SVOP: variants seen among roughly 807,000 people sequenced by gnomAD.
The protein encoded by SVOP is synaptic vesicle 2-related protein.
In SVOP, 17 loss-of-function variants were observed where a neutral mutation model predicts 69.1. That is an observed-to-expected ratio of 0.25 (90% confidence interval 0.17 to 0.37). The LOEUF (loss-of-function observed/expected upper bound fraction) is 0.37, where lower values mean the gene tolerates loss of function less well. SVOP is among the 10% of genes least tolerant of loss of function. SVOP has a pLI of 1.00. For missense variants in SVOP, 435 were observed against 597.5 expected (o/e 0.73, Z 2.84); for synonymous variants, 238 against 238.6 (o/e 1.00, Z 0.02).
intron 7 of SVOP, 105 bp downstream of exon 7, chr12:108,944,998 G>GTTTTTTTTTT: frequency 9.4e-7 from 1 of 1,067,892 alleles, no homozygotes. Flanking sequence ...AGTCTGTAAT[G>GTTTTTTTTTT]TTTTTTTCTT....
chr12:108,970,490 A>G (rs2040072764), intron 5 of SVOP, among the ~76,000 whole-genome samples: 1 of 152,200 alleles, frequency 6.6e-6, no homozygotes, highest in Admixed American at 6.5e-5. Flanking sequence ...TGCTAGTTGT[A>G]GTGGAGATTG....
chr12:108,919,709 A>G lies in SVOP; in HGVS notation c.1234T>C (p.Phe412Leu). The G allele has an allele frequency of 1.2e-6, 2 of 1,607,940 alleles. No individual in the cohort carries two copies. The highest frequency in any genetic ancestry group is 2.2e-5 in the South Asian group (2 of 89,794). Residue 412 changes from phenylalanine to leucine, a missense_variant, in exon 13 of 16, where the codon TTC becomes CTC. Transcript: ENST00000610966. ...TMALCFVIFS[F>L]CSLLLFICVG... is the part of the protein sequence containing the mutation. The stretch of plus-strand genomic sequence containing the variant: ...CAGATAAACAGCAGGAGGCTGCAGA[A>G]GGAGAAGATGACAAAGCACAGGGCC...
At chr12:108,942,649 C>T (rs1189404874) in intron 7 of SVOP, among the ~76,000 whole-genome samples, 1 of 152,288 alleles carries the variant, frequency 6.6e-6, no homozygotes, top group African/African-American at 2.4e-5. Flanking sequence ...TCCTGTCCAG[C>T]AGCCTTCATC....
intron 5 of SVOP, among the ~76,000 whole-genome samples, chr12:108,969,396 T>C (rs1362554324): frequency 4.8e-5 from 6 of 124,836 alleles, no homozygotes; most frequent in Admixed American, 3.4e-4. Flanking sequence ...TTTTTTTTTT[T>C]CTGAGACAAA....
rs543526244 is a variant in SVOP, at chr12:108,976,597, C to CCT, written c.381+799_381+800dup. Among the ~76,000 whole-genome samples, 1,344 of 146,424 alleles carry CCT rather than the reference C, an allele frequency of 9.2e-3. 13 individuals are homozygous for CCT. Among genetic ancestry groups the CCT allele is most frequent in the Non-Finnish European group, 0.014 (964 of 66,752 alleles). ...TATCCTCTTATCCAGCCTGGCCATT[C>CCT]CTCTCTCTCTCTCTCTCTTTTTTTT... On this transcript the variant is annotated intron_variant, in intron 4 of 15. Coordinates refer to ENST00000610966, the MANE Select transcript of SVOP (RefSeq NM_018711.5).
chr12:108,940,926 A>G lies in SVOP; in HGVS notation c.643-17T>C. 1 of 1,535,672 alleles carries G rather than the reference A, an allele frequency of 6.5e-7. No individual in the cohort carries two copies. ...CCAGAATACCTGGCACAGGAGAATC[A>G]GGGTCAGTGGTGGGGGTAGCATGGT... On this transcript the variant is annotated splice_polypyrimidine_tract_variant and intron_variant, in intron 7 of 15. Transcript: ENST00000610966.
At chr12:108,999,128 A>C (rs1378262402) in intron 1 of SVOP, among the ~76,000 whole-genome samples, 2 of 123,580 alleles carry the variant, frequency 1.6e-5, no homozygotes, top group Admixed American at 8.5e-5. Context: ...TCTACCAAGC[A>C]AATGGAAAAC....
At chr12:108,982,931 C>T (rs2040148372) in intron 2 of SVOP, among the ~76,000 whole-genome samples, 2 of 150,912 alleles carry the variant, frequency 1.3e-5, no homozygotes, top group African/African-American at 4.9e-5. Flanking sequence ...TCACTAGCAT[C>T]ATCATCACCA....
intron 7 of SVOP, among the ~76,000 whole-genome samples, chr12:108,941,189 T>A (rs567900531): frequency 1.6e-4 from 24 of 152,238 alleles, no homozygotes; most frequent in African/African-American, 4.3e-4. Context: ...GTGACCAATA[T>A]TACGTGATGT....
intron 4 of SVOP, among the ~76,000 whole-genome samples, chr12:108,974,161 T>A (rs997167006): frequency 1.3e-5 from 2 of 152,192 alleles, no homozygotes; most frequent in Non-Finnish European, 2.9e-5. Context: ...TTTTCATATA[T>A]ATAGTCATTC....
chr12:108,955,603 C>T (rs560725259), intron 6 of SVOP, among the ~76,000 whole-genome samples: 2 of 152,334 alleles, frequency 1.3e-5, no homozygotes, highest in African/African-American at 4.8e-5. Context: ...TCCCAAGTGG[C>T]AGGAGGAGGC....
At chr12:108,932,927 G>A (rs191032838) in intron 11 of SVOP, among the ~76,000 whole-genome samples, 1 of 151,990 alleles carries the variant, frequency 6.6e-6, no homozygotes, top group African/African-American at 2.4e-5. Flanking sequence ...CGCCTAGGCT[G>A]GAGTGCAGTG....
At chr12:108,928,197 C>T (rs886823793) in intron 11 of SVOP, among the ~76,000 whole-genome samples, 5 of 152,158 alleles carry the variant, frequency 3.3e-5, no homozygotes, top group East Asian at 3.9e-4. Flanking sequence ...AGCCACCATG[C>T]GCAGCCAACC....
rs1429420820 is a variant in SVOP at position 109,000,249 on chromosome 12, A to C, written c.36-16488T>G. 2.6e-4 allele frequency among the ~76,000 whole-genome samples: 39 copies of C among 151,100 alleles called. No homozygotes were observed. The South Asian group carries it at 7.9e-3, about 31-fold the overall frequency. On this transcript the variant is annotated intron_variant, in intron 1 of 15. Coordinates refer to ENST00000610966, the MANE Select transcript of SVOP (RefSeq NM_018711.5). ...ATTCCTCGACACATACAGTCTCCCA[A>C]GACTAAACCAGGAAGAAGTTGAATC...
At chr12:108,917,946 C>T (rs2039724451) in intron 14 of SVOP, 97 bp downstream of exon 14, 1 of 1,043,226 alleles carries the variant, frequency 9.6e-7, no homozygotes, top group African/African-American at 1.6e-5. Context: ...GCGCCCACCA[C>T]CTCATTCTTT....
chr12:108,957,270 T>C (rs2039990804), intron 6 of SVOP, among the ~76,000 whole-genome samples: 1 of 152,120 alleles, frequency 6.6e-6, no homozygotes, highest in Admixed American at 6.5e-5. Flanking sequence ...TTCAAGGGAT[T>C]CTCCTGCCTC....
At chr12:108,943,822 C>T (rs1346705888) in intron 7 of SVOP, among the ~76,000 whole-genome samples, 1 of 139,428 alleles carries the variant, frequency 7.2e-6, no homozygotes. Context: ...CCTCCTCCTG[C>T]TCCTCCTCCT....
chr12:109,019,294 T>A (rs2040383782), intron 1 of SVOP, among the ~76,000 whole-genome samples: 1 of 152,204 alleles, frequency 6.6e-6, no homozygotes, highest in Non-Finnish European at 1.5e-5. Context: ...TTTTGCTTTT[T>A]TTAATTAAAG....
At chr12:109,017,433 G>A (rs1298108237) in intron 1 of SVOP, among the ~76,000 whole-genome samples, 1 of 151,788 alleles carries the variant, frequency 6.6e-6, no homozygotes, top group South Asian at 2.1e-4. Context: ...GGGGACTGCT[G>A]GCCTACACGT....
Sources: gnomAD v4.1 joint callset for allele counts (sites outside exome capture counted in the v4.1 genomes callset) on GRCh38, gnomAD v4.1.1 for gene constraint, MANE v1.5 for transcripts, NCBI Gene and HGNC (gene_info 2026-07-23, HGNC 2026-07-21) for gene names.